PTPRD: variants seen among roughly 807,000 people sequenced by gnomAD.
PTPRD encodes protein tyrosine phosphatase receptor type D, also known as receptor-type tyrosine-protein phosphatase delta.
PTPRD carries 34 observed loss-of-function variants against 214.5 expected under a neutral mutation model. The ratio of observed to expected loss-of-function variants is 0.16; its 90% confidence interval spans 0.12 to 0.21. The LOEUF (loss-of-function observed/expected upper bound fraction) is 0.21, where lower values mean the gene tolerates loss of function less well. Ranked by LOEUF, PTPRD falls within the 10% of genes least tolerant of loss-of-function variation. The pLI is 1.00. For synonymous variants in PTPRD, 1,128 were observed against 845.7 expected, an observed-to-expected ratio of 1.33 and a Z score of -5.79; for missense variants, 2,545 against 2,398.7, an observed-to-expected ratio of 1.06 and a Z score of -1.27.
At chr9:9,671,322 T>C (rs937735950) in intron 7 of PTPRD, among the ~76,000 whole-genome samples, 2 of 152,168 alleles carry the variant, frequency 1.3e-5, no homozygotes, top group Non-Finnish European at 2.9e-5. Context: ...AATACCTGTA[T>C]TCCCATTGTA....
intron 12 of PTPRD, among the ~76,000 whole-genome samples, chr9:8,693,029 G>C (rs1445513805): frequency 6.6e-6 from 1 of 152,172 alleles, no homozygotes; most frequent in South Asian, 2.1e-4. Context: ...GACACTCTGA[G>C]GTATGTTATT....
At position 10,303,383 on chromosome 9, in the gene PTPRD, T is replaced by C. The variant is rs938637907; in HGVS notation, c.-545+37580A>G. 1.3e-4 allele frequency among the ~76,000 whole-genome samples: 20 copies of C among 151,896 alleles called. 1 individual carries two copies. Among genetic ancestry groups the C allele is most frequent in the African/African-American group, 4.6e-4 (19 of 41,416 alleles). On this transcript the variant is annotated intron_variant, in intron 3 of 45. Transcript: ENST00000381196. ...AGCAAGAGCAAACAAATTCAAAAGCTAGCAGAAGACAAGAAATAACTAAGA... is the reference window on the plus strand; with the variant it reads ...AGCAAGAGCAAACAAATTCAAAAGCCAGCAGAAGACAAGAAATAACTAAGA...
At chr9:9,353,436 A>C (rs1487027862) in intron 9 of PTPRD, among the ~76,000 whole-genome samples, 1 of 151,970 alleles carries the variant, frequency 6.6e-6, no homozygotes, top group Non-Finnish European at 1.5e-5. Flanking sequence ...AAGCCAGTTT[A>C]GGTTAAATAC....
chr9:8,940,469 T>G (rs1380126837), intron 11 of PTPRD, among the ~76,000 whole-genome samples: 14 of 145,176 alleles, frequency 9.6e-5, no homozygotes, highest in Admixed American at 8.4e-4. Flanking sequence ...TTTTTGGTAT[T>G]TTTAATAGAG....
intron 2 of PTPRD, among the ~76,000 whole-genome samples, chr9:10,570,521 T>C (rs898623482): frequency 3.3e-5 from 5 of 151,988 alleles, no homozygotes; most frequent in African/African-American, 9.7e-5. Flanking sequence ...CTTATGTAAA[T>C]TGGAATTCTG....
intron 12 of PTPRD, among the ~76,000 whole-genome samples, chr9:8,648,890 T>A (rs1490537457): frequency 6.6e-6 from 1 of 152,226 alleles, no homozygotes; most frequent in Non-Finnish European, 1.5e-5. Context: ...CATCATCCAC[T>A]GCTAATTTAC....
intron 3 of PTPRD, among the ~76,000 whole-genome samples, chr9:10,262,151 A>G (rs1292916203): frequency 6.6e-6 from 1 of 152,176 alleles, no homozygotes; most frequent in African/African-American, 2.4e-5. Context: ...TTTAAAAATC[A>G]GTGGTCTAAA....
intron 11 of PTPRD, among the ~76,000 whole-genome samples, chr9:8,835,364 C>T (rs2097395447): frequency 6.6e-6 from 1 of 152,182 alleles, no homozygotes; most frequent in Non-Finnish European, 1.5e-5. Flanking sequence ...ATAACGCACC[C>T]AAGCACCAAG....
At chr9:8,548,566 C>T (rs1487649199) in intron 14 of PTPRD, among the ~76,000 whole-genome samples, 1 of 151,158 alleles carries the variant, frequency 6.6e-6, no homozygotes, top group Non-Finnish European at 1.5e-5. Context: ...TGGGGTTTCG[C>T]CATGTTGGCT....
intron 10 of PTPRD, among the ~76,000 whole-genome samples, chr9:9,123,021 T>C (rs1185990613): frequency 1.3e-5 from 2 of 152,300 alleles, no homozygotes; most frequent in Non-Finnish European, 2.9e-5. Context: ...GTTGTTGTTG[T>C]TGTTGTTTGT....
At chr9:9,824,235 T>G in intron 5 of PTPRD, among the ~76,000 whole-genome samples, 1 of 152,126 alleles carries the variant, frequency 6.6e-6, no homozygotes, top group Non-Finnish European at 1.5e-5. Context: ...AATTTTGGAT[T>G]AGAAATACTC....
rs1389580261 is a variant in PTPRD, at chr9:9,169,933, G to A, written c.-143+13371C>T. 2.0e-5 allele frequency among the ~76,000 whole-genome samples: 3 copies of A among 152,144 alleles called. No individual in the cohort carries two copies. In the South Asian group the frequency reaches 6.2e-4, roughly 31 times the overall value. ...AAAAGTCCTGTCCTGTCCTGGAACT[G>A]CAAGATTTGATGGCTCTGCCATAAG... is the stretch of plus-strand genomic sequence containing the variant. On this transcript the variant is annotated intron_variant, in intron 10 of 45. Coordinates refer to ENST00000381196, the MANE Select transcript of PTPRD (RefSeq NM_002839.4).
intron 4 of PTPRD, among the ~76,000 whole-genome samples, chr9:9,974,016 A>G (rs896965629): frequency 1.3e-5 from 2 of 152,200 alleles, no homozygotes; most frequent in African/African-American, 4.8e-5. Flanking sequence ...CATCATAGGA[A>G]TTTAGAAATT....
intron 2 of PTPRD, among the ~76,000 whole-genome samples, chr9:10,571,259 T>C (rs2067339991): frequency 6.6e-6 from 1 of 152,096 alleles, no homozygotes; most frequent in African/African-American, 2.4e-5. Flanking sequence ...GAAAATTAAT[T>C]TAGAAAAATT....
chr9:9,254,860 A>T (rs571285185), intron 9 of PTPRD, among the ~76,000 whole-genome samples: 8 of 152,192 alleles, frequency 5.3e-5, no homozygotes, highest in East Asian at 1.9e-4. Context: ...GCCACCAAAG[A>T]TTCTGGAGAA....
intron 2 of PTPRD, among the ~76,000 whole-genome samples, chr9:10,604,763 AG>A (rs1567172482): frequency 6.6e-6 from 1 of 151,968 alleles, no homozygotes; most frequent in Admixed American, 6.6e-5. Flanking sequence ...ACCATAGATA[AG>A]TGTTAATTGA....
intron 4 of PTPRD, among the ~76,000 whole-genome samples, chr9:9,997,490 A>C (rs941758086): frequency 1.3e-5 from 2 of 151,976 alleles, no homozygotes; most frequent in Non-Finnish European, 2.9e-5. Flanking sequence ...GGTTTTTCCA[A>C]GTTGGTCAGG....
chr9:10,236,927 TG>T (rs1020154104), intron 3 of PTPRD, among the ~76,000 whole-genome samples: 3 of 151,694 alleles, frequency 2.0e-5, no homozygotes, highest in Non-Finnish European at 4.4e-5. Context: ...TATTCTTTGG[TG>T]GGGGGGCTGA....
intron 8 of PTPRD, among the ~76,000 whole-genome samples, chr9:9,445,385 C>T (rs1273963655): frequency 2.0e-5 from 3 of 152,150 alleles, no homozygotes; most frequent in Non-Finnish European, 4.4e-5. Flanking sequence ...ATTTCTTTCT[C>T]ATGGTTGGTT....
Sources: gnomAD v4.1 joint callset for allele counts (sites outside exome capture counted in the v4.1 genomes callset) on GRCh38, gnomAD v4.1.1 for gene constraint, MANE v1.5 for transcripts, NCBI Gene and HGNC (gene_info 2026-07-23, HGNC 2026-07-21) for gene names.